Variants in SPIRE2 observed in about 807,000 individuals in gnomAD.
SPIRE2 encodes spire type actin nucleation factor 2.
Under a neutral mutation model 80.7 loss-of-function variants are expected in SPIRE2, and 76 were observed. The ratio of observed to expected loss-of-function variants is 0.94; its 90% confidence interval spans 0.78 to 1.14. SPIRE2 has a LOEUF of 1.14. Among genes scored for constraint, SPIRE2 ranks in the 50% most tolerant of loss-of-function variants. SPIRE2 has a pLI of 0.00. For synonymous variants in SPIRE2, 535 were observed against 432.6 expected (o/e 1.24, Z -2.94); for missense variants, 1,196 against 1,015.3 (o/e 1.18, Z -2.42).
intron 12 of SPIRE2, among the ~76,000 whole-genome samples, chr16:89,865,330 CTATG>C (rs1459977181): frequency 4.6e-5 from 7 of 152,056 alleles, no homozygotes; most frequent in Non-Finnish European, 7.3e-5. Flanking sequence ...TTAAGGTTCA[CTATG>C]GTAAGGTGAA....
chr16:89,856,078 G>C (rs771269772), intron 6 of SPIRE2, 35 bp from the exon 7 acceptor site: 1 of 1,595,210 alleles, frequency 6.3e-7, no homozygotes, highest in Non-Finnish European at 8.6e-7. Flanking sequence ...CGCAGGTCCT[G>C]CTTCCCCACC....
chr16:89,833,533 G>A (rs112294358), intron 1 of SPIRE2, among the ~76,000 whole-genome samples: 1 of 152,266 alleles, frequency 6.6e-6, no homozygotes, highest in Non-Finnish European at 1.5e-5. Context: ...CAGCCCCTAC[G>A]CCCTGCTGGG....
At chr16:89,847,355 G>A (rs1332152805) in intron 2 of SPIRE2, among the ~76,000 whole-genome samples, 1 of 152,214 alleles carries the variant, frequency 6.6e-6, no homozygotes, top group Non-Finnish European at 1.5e-5. Flanking sequence ...CTGTTGCGTT[G>A]TACACGGGAC....
chr16:89,837,085 G>T (rs1298895524), intron 1 of SPIRE2, among the ~76,000 whole-genome samples: 3 of 152,188 alleles, frequency 2.0e-5, no homozygotes, highest in African/African-American at 4.8e-5. Flanking sequence ...CCCGTGCCTG[G>T]CCCGTCGCGT....
Position 89,850,560 on chromosome 16 carries a change from C to G in SPIRE2, c.545C>G (p.Pro182Arg). 6.6e-7 allele frequency: 1 copy of G among 1,514,142 alleles called. No individual in the cohort carries two copies. The highest frequency in any genetic ancestry group is 8.8e-7 in the Non-Finnish European group (1 of 1,135,696). The allele number at this position is 1,514,142 out of a possible 1,614,324, so 93.8% of individuals were successfully genotyped here. A position where few individuals can be genotyped will look rare whatever the true frequency, so the allele number is the denominator to read the frequency against. The stretch of plus-strand genomic sequence containing the variant: ...CTGTGCGCGGCGCGGCTGACCGACC[C>G]CCGGGGCGCACAGGCGCATTACCAG... Reference protein sequence around the residue: ...MRLCAARLTDPRGAQAHYQAV... With the variant: ...MRLCAARLTDRRGAQAHYQAV... The change falls in exon 3 of 15, where the codon CCC becomes CGC. Residue 182 changes from proline to arginine, a missense_variant. Transcript: ENST00000378247.
intron 1 of SPIRE2, among the ~76,000 whole-genome samples, chr16:89,838,341 C>T (rs2143785402): frequency 6.6e-6 from 1 of 152,208 alleles, no homozygotes; most frequent in Non-Finnish European, 1.5e-5. Flanking sequence ...CACCACCATG[C>T]CCAGCTAATT....
intron 2 of SPIRE2, among the ~76,000 whole-genome samples, chr16:89,847,736 G>T (rs1416443845): frequency 6.6e-6 from 1 of 152,252 alleles, no homozygotes; most frequent in East Asian, 1.9e-4. Context: ...GCGGGTGGAG[G>T]TGGGAGGCCC....
rs775170647 is a variant in SPIRE2, at chr16:89,870,337, G to A, written c.*65G>A. The A allele has an allele frequency of 4.1e-6, 4 of 976,858 alleles. No individual in the cohort carries two copies. In the East Asian group the frequency reaches 7.8e-5, roughly 19 times the overall value. The allele number at this position is 976,858 out of a possible 1,614,324, so 60.5% of individuals were successfully genotyped here. On this transcript the variant is annotated 3_prime_UTR_variant, in exon 15 of 15. Coordinates refer to ENST00000378247, the MANE Select transcript of SPIRE2 (RefSeq NM_032451.2). ...GCCCTGTATCAGGCTAGGACGCTCT[G>A]AGCTGTGCATGTACATATATACATA... is the stretch of plus-strand genomic sequence containing the variant.
intron 12 of SPIRE2, among the ~76,000 whole-genome samples, chr16:89,866,007 G>C (rs1342379588): frequency 6.6e-6 from 1 of 150,710 alleles, no homozygotes; most frequent in Admixed American, 6.6e-5. Flanking sequence ...GGATATGGTG[G>C]ATATGGTAGC....
intron 1 of SPIRE2, among the ~76,000 whole-genome samples, chr16:89,833,625 A>G (rs2041410024): frequency 6.6e-6 from 1 of 152,186 alleles, no homozygotes; most frequent in African/African-American, 2.4e-5. Flanking sequence ...CTTCTCCGTG[A>G]AATGGGAGGT....
chr16:89,850,865 TC>T (rs1339893321), intron 3 of SPIRE2, among the ~76,000 whole-genome samples: 1 of 152,092 alleles, frequency 6.6e-6, no homozygotes, highest in African/African-American at 2.4e-5. Flanking sequence ...AGACAGGGTC[TC>T]ACTCTGTCAC....
chr16:89,831,326 A>G (rs1005301868), intron 1 of SPIRE2, among the ~76,000 whole-genome samples: 3 of 149,564 alleles, frequency 2.0e-5, no homozygotes, highest in African/African-American at 7.3e-5. Flanking sequence ...CTGATTGGCT[A>G]CTTTACACGT....
At chr16:89,832,538 A>G (rs915788313) in intron 1 of SPIRE2, among the ~76,000 whole-genome samples, 1 of 151,756 alleles carries the variant, frequency 6.6e-6, no homozygotes, top group African/African-American at 2.4e-5. Context: ...CGTTCCTTAA[A>G]CCAGGTGGCT....
At chr16:89,839,912 CTG>C (rs112544894) in intron 1 of SPIRE2, among the ~76,000 whole-genome samples, 10,114 of 152,286 alleles carry the variant, frequency 0.066, 457 homozygotes, top group East Asian at 0.23. Context: ...ATGATCATGC[CTG>C]TGTGTGTCTG....
At position 89,850,474 on chromosome 16, in the gene SPIRE2, G is replaced by A. The variant is rs1448703661; in HGVS notation, c.459G>A (p.Glu153=). The A allele has an allele frequency of 6.9e-7, 1 of 1,459,718 alleles. No individual in the cohort carries two copies. Among genetic ancestry groups the A allele is most frequent in the Admixed American group, 2.1e-5 (1 of 47,250 alleles). 90.4% of individuals were successfully genotyped at this position (1,459,718 alleles called of 1,614,324 possible). Residue 153 remains glutamate, a synonymous_variant, in exon 3 of 15, where the codon GAG becomes GAA. Coordinates refer to ENST00000378247, the MANE Select transcript of SPIRE2 (RefSeq NM_032451.2). The part of the protein sequence containing the change: ...GAADEGYGGP[E]EEEEAEGVPR... ...CCGATGAGGGCTACGGGGGTCCCGA[G>A]GAGGAGGAGGAGGCCGAGGGCGTCC...
In SPIRE2 at chr16:89,863,504, C is replaced by A; in HGVS notation, c.1604C>A (p.Ala535Glu). Residue 535 changes from alanine (A) to glutamate (E), a missense_variant, in exon 11 of 15, where the codon GCG becomes GAG. Physicochemically the swap from Ala to Glu is moderately radical, Grantham distance 107. Coordinates refer to ENST00000378247, the MANE Select transcript of SPIRE2 (RefSeq NM_032451.2). The surrounding 1 kb of genome is among the most constrained non-coding windows in gnomAD (Gnocchi z 4.3). ...TTCAGCCACCCCGTGGAGAGCCTGG[C>A]GCTGACTGTGGAAGAGGTGATGGAC... ...LEFSHPVESL[A>E]LTVEEVMDVR... The A allele has an allele frequency of 6.2e-7, 1 of 1,614,034 alleles. No homozygotes were observed. The highest frequency in any genetic ancestry group is 8.5e-7 in the Non-Finnish European group (1 of 1,180,010).
At position 89,850,362 on chromosome 16, in the gene SPIRE2, G is replaced by T; in HGVS notation, c.347G>T (p.Ser116Ile). 6.3e-7 allele frequency: 1 copy of T among 1,599,092 alleles called. No individual in the cohort carries two copies. Among genetic ancestry groups the T allele is most frequent in the Non-Finnish European group, 8.5e-7 (1 of 1,174,644 alleles). The change falls in exon 3 of 15, where the codon AGC (serine) becomes ATC (isoleucine). Residue 116 changes from serine (S) to isoleucine (I), a missense_variant. Coordinates refer to ENST00000378247, the MANE Select transcript of SPIRE2 (RefSeq NM_032451.2). ...GCGCTGGACTGGGGGCTGGACGAGA[G>T]CGAGGAGCGCGAACTCAGCCCTCAG... ...YRALDWGLDE[S>I]EERELSPQLE...
intron 2 of SPIRE2, among the ~76,000 whole-genome samples, chr16:89,849,383 G>A (rs1479661246): frequency 6.6e-6 from 1 of 152,272 alleles, no homozygotes; most frequent in Non-Finnish European, 1.5e-5. Context: ...CCCCACGTCA[G>A]TGTGGCTCGA....
At chr16:89,840,358 T>C (rs1417092886) in intron 1 of SPIRE2, among the ~76,000 whole-genome samples, 1 of 148,808 alleles carries the variant, frequency 6.7e-6, no homozygotes, top group Non-Finnish European at 1.5e-5. Flanking sequence ...CACATCATTC[T>C]CCTGTCTCAG....
Sources: allele counts gnomAD v4.1 joint callset (sites outside exome capture counted in the v4.1 genomes callset), GRCh38; gene constraint gnomAD v4.1.1; non-coding constraint Gnocchi (gnomAD v3.1); transcripts MANE v1.5; gene names NCBI Gene and HGNC (gene_info 2026-07-23, HGNC 2026-07-21).